PPP2R3A: variants seen among roughly 807,000 people sequenced by gnomAD.
PPP2R3A encodes protein phosphatase 2 regulatory subunit B''alpha.
In PPP2R3A, 80 loss-of-function variants were observed where a neutral mutation model predicts 106.9. The observed-to-expected ratio is 0.75, with a 90% confidence interval of 0.62 to 0.90. The LOEUF (loss-of-function observed/expected upper bound fraction) is 0.90, where lower values mean the gene tolerates loss of function less well. PPP2R3A is among the 40% of genes least tolerant of loss of function. The pLI is 0.00. For synonymous variants in PPP2R3A, 483 were observed against 468.3 expected (o/e 1.03, Z -0.41); for missense variants, 1,386 against 1,350.4 (o/e 1.03, Z -0.41).
intron 4 of PPP2R3A, among the ~76,000 whole-genome samples, chr3:136,043,175 A>G (rs7621425): frequency 0.25 from 38,633 of 151,832 alleles, 5,401 homozygotes; most frequent in Non-Finnish European, 0.32. Flanking sequence ...AATATAGGGA[A>G]ATGGCCGGGC....
intron 4 of PPP2R3A, among the ~76,000 whole-genome samples, chr3:136,042,241 A>G (rs1047408547): frequency 3.9e-5 from 6 of 152,192 alleles, no homozygotes; most frequent in African/African-American, 1.4e-4. Context: ...CATTAGAACT[A>G]AAGAGTCTAT....
intron 5 of PPP2R3A, among the ~76,000 whole-genome samples, chr3:136,064,729 G>A (rs919136405): frequency 6.6e-5 from 10 of 152,188 alleles, no homozygotes; most frequent in African/African-American, 9.6e-5. Context: ...AACAGCTGAT[G>A]CAGTTAGAAA....
chr3:136,094,045 G>A (rs773271021), intron 10 of PPP2R3A, among the ~76,000 whole-genome samples: 3 of 152,134 alleles, frequency 2.0e-5, no homozygotes, highest in Non-Finnish European at 4.4e-5. Flanking sequence ...AAAGAGAAAT[G>A]AAATACTGAT....
At chr3:135,971,272 A>C (rs1475246194) in intron 1 of PPP2R3A, among the ~76,000 whole-genome samples, 1 of 152,188 alleles carries the variant, frequency 6.6e-6, no homozygotes, top group East Asian at 1.9e-4. Flanking sequence ...GAGCTCAGAA[A>C]GAAGAAAGCA....
At chr3:136,013,861 ATC>A (rs1227211160) in intron 2 of PPP2R3A, among the ~76,000 whole-genome samples, 1 of 152,090 alleles carries the variant, frequency 6.6e-6, no homozygotes, top group Non-Finnish European at 1.5e-5. Flanking sequence ...CCATCTATTT[ATC>A]TCTGTTTCTG....
At chr3:136,114,411 G>A (rs1008935284) in intron 13 of PPP2R3A, among the ~76,000 whole-genome samples, 6 of 152,156 alleles carry the variant, frequency 3.9e-5, no homozygotes, top group Non-Finnish European at 8.8e-5. Context: ...TACCCCAGTG[G>A]TGCTTGGAAT....
intron 2 of PPP2R3A, among the ~76,000 whole-genome samples, chr3:136,011,994 T>TACACACACACATACACAC (rs1934102414): frequency 2.0e-5 from 3 of 148,170 alleles, no homozygotes; most frequent in African/African-American, 7.4e-5. Flanking sequence ...CACACACACA[T>TACACACACACATACACAC]ACACACACAC....
intron 3 of PPP2R3A, among the ~76,000 whole-genome samples, chr3:136,038,290 C>G (rs1024138583): frequency 1.3e-5 from 2 of 152,138 alleles, no homozygotes; most frequent in African/African-American, 4.8e-5. Context: ...CTGACCTTTT[C>G]CAGTCTACTT....
chr3:136,001,518 T>G lies in PPP2R3A; in HGVS notation c.20T>G (p.Leu7Arg), dbSNP rs1301321725. The G allele has an allele frequency of 6.2e-7, 1 of 1,613,588 alleles. No individual in the cohort carries two copies. The highest frequency in any genetic ancestry group is 1.7e-5 in the Admixed American group (1 of 59,976). Residue 7 changes from leucine to arginine, a missense_variant, in exon 2 of 14, where the codon CTT (leucine) becomes CGT (arginine). By Grantham distance (102) the Leu-to-Arg change is moderately radical. Transcript: ENST00000264977. ...GATATTATGGCAGCAACTTACAGAC[T>G]TGTGGTTAGTACTGTGAACCACTAC... The part of the protein sequence containing the change: MAATYR[L>R]VVSTVNHYSS...
intron 13 of PPP2R3A, among the ~76,000 whole-genome samples, chr3:136,114,032 G>A (rs1375417928): frequency 6.6e-6 from 1 of 152,218 alleles, no homozygotes; most frequent in Admixed American, 6.5e-5. Flanking sequence ...CGACACAGAA[G>A]GCAGGTGATT....
intron 6 of PPP2R3A, among the ~76,000 whole-genome samples, chr3:136,072,389 C>A (rs937293673): frequency 2.0e-4 from 31 of 152,166 alleles, no homozygotes; most frequent in Non-Finnish European, 3.5e-4. Flanking sequence ...GCGAGACATT[C>A]AAGACCAGCT....
intron 6 of PPP2R3A, among the ~76,000 whole-genome samples, chr3:136,074,086 C>T (rs1048323468): frequency 6.6e-6 from 1 of 152,100 alleles, no homozygotes; most frequent in Non-Finnish European, 1.5e-5. Flanking sequence ...TCGTGGCATA[C>T]AGTATAGAAG....
chr3:136,061,540 A>C (rs1427159026), intron 5 of PPP2R3A, among the ~76,000 whole-genome samples: 1 of 152,078 alleles, frequency 6.6e-6, no homozygotes, highest in Non-Finnish European at 1.5e-5. Context: ...AGGCAGAAGA[A>C]TTGCTTGAAC....
chr3:136,102,320 T>A, intron 11 of PPP2R3A, 138 bp downstream of exon 11: 1 of 813,848 alleles, frequency 1.2e-6, no homozygotes, highest in Non-Finnish European at 1.8e-6. Context: ...TTAAAGTTTC[T>A]CCTTGACTAT....
chr3:136,044,936 A>G (rs1394311748), intron 4 of PPP2R3A, among the ~76,000 whole-genome samples: 1 of 152,216 alleles, frequency 6.6e-6, no homozygotes, highest in Non-Finnish European at 1.5e-5. Context: ...TGGCAGAGAC[A>G]GAGCTCGAGG....
chr3:135,995,704 C>G (rs914469663), intron 1 of PPP2R3A, among the ~76,000 whole-genome samples: 17 of 152,090 alleles, frequency 1.1e-4, no homozygotes, highest in African/African-American at 3.9e-4. Context: ...AACTCCTGAC[C>G]TCAGGCAGTC....
intron 3 of PPP2R3A, among the ~76,000 whole-genome samples, chr3:136,038,284 C>A (rs774048024): frequency 1.3e-5 from 2 of 152,126 alleles, no homozygotes; most frequent in African/African-American, 2.4e-5. Context: ...AATAGGCTGA[C>A]CTTTTCCAGT....
Position 136,146,258 on chromosome 3 carries a change from A to G in PPP2R3A, c.*1092A>G. 1 of 152,238 alleles carries G rather than the reference A, an allele frequency of 6.6e-6. No homozygotes were observed. Among genetic ancestry groups the G allele is most frequent in the South Asian group, 2.1e-4 (1 of 4,832 alleles). The allele number at this position is 152,238 out of a possible 1,614,324, so 9.4% of individuals were successfully genotyped here. A position where few individuals can be genotyped will look rare whatever the true frequency, so the allele number is the denominator to read the frequency against. On this transcript the variant is annotated 3_prime_UTR_variant, in exon 14 of 14. Coordinates refer to ENST00000264977, the MANE Select transcript of PPP2R3A (RefSeq NM_002718.5). Reference sequence around the variant, plus strand: ...AATCCTACATTTTTCAGCAGGCCACAGTCCAGCCAAATCCTATAATATCCT... The same window carrying G: ...AATCCTACATTTTTCAGCAGGCCACGGTCCAGCCAAATCCTATAATATCCT...
chr3:136,004,245 A>G (rs1933764131), intron 2 of PPP2R3A, among the ~76,000 whole-genome samples: 1 of 152,220 alleles, frequency 6.6e-6, no homozygotes, highest in Non-Finnish European at 1.5e-5. Context: ...TTCCCATTTT[A>G]TTTACATACG....
Sources: allele counts gnomAD v4.1 joint callset (sites outside exome capture counted in the v4.1 genomes callset), GRCh38; gene constraint gnomAD v4.1.1; transcripts MANE v1.5; gene names NCBI Gene and HGNC (gene_info 2026-07-23, HGNC 2026-07-21).